The following ZNF438 variants were observed in gnomAD, a reference collection of about 807,000 sequenced individuals.
ZNF438 encodes the protein zinc finger protein 438.
Under a neutral mutation model 38.0 loss-of-function variants are expected in ZNF438, and 25 were observed. The ratio of observed to expected loss-of-function variants is 0.66; its 90% CI spans 0.48 to 0.92. The LOEUF (loss-of-function observed/expected upper bound fraction) is 0.92, where lower values mean the gene tolerates loss of function less well. Among genes scored for constraint, ZNF438 ranks in the 40% least tolerant of loss-of-function variants. The probability of loss-of-function intolerance (pLI) is 0.00; values close to 1 mark genes in which losing one functional copy is unlikely to be tolerated. For missense variants in ZNF438, 1,007 were observed against 999.6 expected (o/e 1.01, Z -0.10); for synonymous variants, 372 against 364.1 (o/e 1.02, Z -0.25).
intron 1 of ZNF438, among the ~76,000 whole-genome samples, chr10:30,994,265 G>C (rs1453488197): frequency 6.6e-6 from 1 of 152,190 alleles, no homozygotes; most frequent in East Asian, 1.9e-4. Flanking sequence ...GGGTGCCCAG[G>C]GTGGAATGCT....
intron 1 of ZNF438, among the ~76,000 whole-genome samples, chr10:30,956,825 G>A (rs2048914571): frequency 6.6e-6 from 1 of 152,038 alleles, no homozygotes; most frequent in Non-Finnish European, 1.5e-5. Flanking sequence ...CTTGGCTATT[G>A]TAACTAGTGC....
chr10:30,891,329 G>T (rs2040662229), intron 3 of ZNF438, among the ~76,000 whole-genome samples: 1 of 151,260 alleles, frequency 6.6e-6, no homozygotes, highest in South Asian at 2.1e-4. Context: ...ATTAATTTTT[G>T]CTCTTTCTGG....
chr10:30,944,916 T>C (rs1006327923), intron 1 of ZNF438, among the ~76,000 whole-genome samples: 2 of 152,202 alleles, frequency 1.3e-5, no homozygotes, highest in African/African-American at 4.8e-5. Context: ...CTGTTTATTC[T>C]TATATTGTTA....
chr10:30,987,729 T>C (rs1252371610), intron 1 of ZNF438, among the ~76,000 whole-genome samples: 1 of 145,708 alleles, frequency 6.9e-6, no homozygotes, highest in African/African-American at 2.5e-5. Flanking sequence ...GGAAGGGCCA[T>C]GTGAGGACAT....
chr10:30,972,220 C>T (rs531953285), intron 1 of ZNF438, among the ~76,000 whole-genome samples: 100 of 152,150 alleles, frequency 6.6e-4, no homozygotes, highest in Non-Finnish European at 1.4e-3. Context: ...CCACCTGCCT[C>T]GGCCTCCCAA....
At chr10:30,923,336 T>G (rs1481988882) in intron 2 of ZNF438, 2 of 152,230 alleles carry the variant, frequency 1.3e-5, no homozygotes, top group African/African-American at 4.8e-5. Context: ...TGTATCATCT[T>G]TTTCTCTTGT....
intron 1 of ZNF438, among the ~76,000 whole-genome samples, chr10:30,971,312 A>C (rs2050714036): frequency 6.6e-6 from 1 of 152,254 alleles, no homozygotes; most frequent in Non-Finnish European, 1.5e-5. Context: ...AAGTATTAAA[A>C]ATAAAACATA....
intron 1 of ZNF438, among the ~76,000 whole-genome samples, chr10:30,973,476 C>CCATACAGTGGCACTTAA (rs1564770443): frequency 2.0e-5 from 3 of 152,178 alleles, no homozygotes; most frequent in Admixed American, 1.3e-4. Context: ...CCAGAGCCTA[C>CCATACAGTGGCACTTAA]CATACAGTGG....
intron 1 of ZNF438, among the ~76,000 whole-genome samples, chr10:30,977,914 C>T (rs904684117): frequency 3.3e-5 from 5 of 149,750 alleles, no homozygotes; most frequent in Admixed American, 6.7e-5. Context: ...CTTGGGAGGC[C>T]GAGGTTGCAG....
At chr10:31,017,404 A>T (rs1265411308) in intron 1 of ZNF438, among the ~76,000 whole-genome samples, 2 of 152,180 alleles carry the variant, frequency 1.3e-5, no homozygotes, top group African/African-American at 4.8e-5. Context: ...TGCTGGTGCA[A>T]ATTTGGGACC....
chr10:30,947,210 G>A (rs1338704563), intron 1 of ZNF438, among the ~76,000 whole-genome samples: 3 of 152,148 alleles, frequency 2.0e-5, no homozygotes, highest in Admixed American at 2.0e-4. Flanking sequence ...CGAGTTGAAG[G>A]CCACCAAGTG....
intron 4 of ZNF438, among the ~76,000 whole-genome samples, chr10:30,850,966 G>A (rs1463989422): frequency 6.6e-6 from 1 of 152,216 alleles, no homozygotes; most frequent in African/African-American, 2.4e-5. Context: ...CACAGTGGAT[G>A]CATTCCAGAC....
intron 3 of ZNF438, among the ~76,000 whole-genome samples, chr10:30,902,940 G>C (rs932676576): frequency 2.0e-5 from 3 of 152,338 alleles, no homozygotes; most frequent in Non-Finnish European, 4.4e-5. Context: ...GCTGCAGGTA[G>C]GCCTTCCCTG....
intron 2 of ZNF438, among the ~76,000 whole-genome samples, chr10:30,936,605 C>G (rs1336071125): frequency 6.6e-6 from 1 of 152,030 alleles, no homozygotes; most frequent in Non-Finnish European, 1.5e-5. Context: ...ACCTGGGAGG[C>G]GGAGGTTACA....
intron 1 of ZNF438, among the ~76,000 whole-genome samples, chr10:30,967,997 A>T (rs576173992): frequency 6.6e-6 from 1 of 152,330 alleles, no homozygotes; most frequent in East Asian, 1.9e-4. Context: ...GGGATGGAGA[A>T]AAAGGGGAAA....
intron 4 of ZNF438, among the ~76,000 whole-genome samples, chr10:30,864,357 G>T (rs1375596275): frequency 6.6e-6 from 1 of 152,138 alleles, no homozygotes; most frequent in Non-Finnish European, 1.5e-5. Context: ...TGTGCCTCGG[G>T]GATACTGCAC....
At chr10:30,896,730 T>C (rs1180576482) in intron 3 of ZNF438, among the ~76,000 whole-genome samples, 1 of 152,022 alleles carries the variant, frequency 6.6e-6, no homozygotes, top group African/African-American at 2.4e-5. Context: ...CGGTTCCAGT[T>C]TTACAAGATG....
intron 1 of ZNF438, among the ~76,000 whole-genome samples, chr10:31,023,317 A>G (rs1218750827): frequency 1.3e-5 from 2 of 152,052 alleles, no homozygotes; most frequent in African/African-American, 2.4e-5. Flanking sequence ...AATATAACAC[A>G]CTCCCAAAAG....
chr10:30,945,672 G>A (rs1288100425), intron 1 of ZNF438, among the ~76,000 whole-genome samples: 1 of 136,546 alleles, frequency 7.3e-6, no homozygotes, highest in South Asian at 2.5e-4. Flanking sequence ...TTGTTCTTGC[G>A]ACAGTTTACT....
Sources: gnomAD v4.1 joint callset for allele counts (sites outside exome capture counted in the v4.1 genomes callset) on GRCh38, gnomAD v4.1.1 for gene constraint, MANE v1.5 for transcripts, NCBI Gene and HGNC (gene_info 2026-07-23, HGNC 2026-07-21) for gene names.